FBXL17: variants seen among roughly 807,000 people sequenced by gnomAD.
FBXL17 encodes F-box/LRR-repeat protein 17.
Under a neutral mutation model 66.2 loss-of-function variants are expected in FBXL17, and 22 were observed. The ratio of observed to expected loss-of-function variants is 0.33; its 90% CI spans 0.24 to 0.47. The LOEUF (loss-of-function observed/expected upper bound fraction) is 0.47, where lower values mean the gene tolerates loss of function less well. Ranked by LOEUF, FBXL17 falls within the 20% of genes least tolerant of loss-of-function variation. FBXL17 has a pLI of 1.00. For synonymous variants in FBXL17, 474 were observed against 400.5 expected (o/e 1.18, Z -2.19); for missense variants, 878 against 948.2 (o/e 0.93, Z 0.97).
chr5:108,333,148 G>GTATATATATATATATATA (rs145030445), intron 4 of FBXL17, among the ~76,000 whole-genome samples: 49 of 136,560 alleles, frequency 3.6e-4, no homozygotes, highest in African/African-American at 1.4e-3. Context: ...AGAAATACCA[G>GTATATATATATATATATA]TATATATATA....
chr5:107,987,391 A>T (rs778015398), intron 7 of FBXL17, among the ~76,000 whole-genome samples: 2 of 152,010 alleles, frequency 1.3e-5, no homozygotes, highest in African/African-American at 4.8e-5. Flanking sequence ...CCTGGTGCTA[A>T]AGCCGATCTT....
chr5:107,894,676 A>C (rs1749313764), intron 7 of FBXL17, among the ~76,000 whole-genome samples: 2 of 151,760 alleles, frequency 1.3e-5, no homozygotes, highest in African/African-American at 2.4e-5. Context: ...TATAAATCTC[A>C]CTCTTATATA....
intron 3 of FBXL17, among the ~76,000 whole-genome samples, chr5:108,350,821 G>A (rs553932853): frequency 1.3e-5 from 2 of 152,268 alleles, no homozygotes; most frequent in South Asian, 2.1e-4. Flanking sequence ...CACTTTATCA[G>A]GAAGGTACTG....
chr5:108,361,651 T>C (rs1748344679), intron 3 of FBXL17, among the ~76,000 whole-genome samples: 1 of 152,120 alleles, frequency 6.6e-6, no homozygotes, highest in African/African-American at 2.4e-5. Flanking sequence ...CAATTGTATG[T>C]CTCACCATAA....
chr5:108,345,298 T>C (rs555271726), intron 4 of FBXL17, among the ~76,000 whole-genome samples: 3 of 151,408 alleles, frequency 2.0e-5, no homozygotes, highest in South Asian at 4.2e-4. Context: ...GATTGTGCCA[T>C]TGCACTCCAG....
chr5:108,368,241 A>AG, intron 1 of FBXL17, among the ~76,000 whole-genome samples: 1 of 152,106 alleles, frequency 6.6e-6, no homozygotes, highest in South Asian at 2.1e-4. Flanking sequence ...TAAAAAAAAA[A>AG]GAATTGAAAG....
intron 7 of FBXL17, among the ~76,000 whole-genome samples, chr5:107,938,052 A>T (rs768652719): frequency 1.3e-5 from 2 of 152,154 alleles, no homozygotes; most frequent in Non-Finnish European, 2.9e-5. Context: ...AACAGTAAAC[A>T]CTGAGAGAGG....
Position 108,381,236 on chromosome 5 carries a change from C to T in FBXL17, c.456G>A (p.Trp152Ter), listed in dbSNP as rs954419653. 1 of 1,446,208 alleles carries T rather than the reference C, an allele frequency of 6.9e-7. No individual in the cohort carries two copies. Among genetic ancestry groups the T allele is most frequent in the Non-Finnish European group, 9.1e-7 (1 of 1,101,954 alleles). The allele number at this position is 1,446,208 out of a possible 1,614,324, so 89.6% of individuals were successfully genotyped here. A position where few individuals can be genotyped will look rare whatever the true frequency, so the allele number is the denominator to read the frequency against. The change falls in exon 1 of 9, where the codon TGG becomes TGA. Residue 152 changes from tryptophan to a stop codon, truncating the protein, a stop_gained. Transcript: ENST00000542267. LOFTEE classifies it high-confidence loss of function. ...GGAAGAGACTTCGGCCCTGCTGCTC[C>T]CAGGCGGCGGCCGCAGCCAGCCCCA... ...KELGLAAAAAWEQQGRSLFLA... is the reference protein window; with the variant it reads ...KELGLAAAAA
chr5:108,155,675 G>A (rs1244874832), intron 6 of FBXL17, among the ~76,000 whole-genome samples: 1 of 152,130 alleles, frequency 6.6e-6, no homozygotes. Flanking sequence ...ACTTACAAGT[G>A]TGCCTTCCTA....
At chr5:108,125,227 GATT>G (rs2149969373) in intron 6 of FBXL17, among the ~76,000 whole-genome samples, 1 of 152,016 alleles carries the variant, frequency 6.6e-6, no homozygotes, top group East Asian at 1.9e-4. Flanking sequence ...ATCTTGATGT[GATT>G]ATTAAACATT....
intron 6 of FBXL17, among the ~76,000 whole-genome samples, chr5:108,069,634 C>T (rs191752766): frequency 1.5e-3 from 235 of 152,286 alleles, no homozygotes; most frequent in African/African-American, 5.3e-3. Context: ...AGGTAAACTT[C>T]CTGCTGATCC....
chr5:107,996,141 AT>A (rs945245240), intron 7 of FBXL17, among the ~76,000 whole-genome samples: 4 of 152,104 alleles, frequency 2.6e-5, no homozygotes, highest in Non-Finnish European at 2.9e-5. Flanking sequence ...GCCATGCCTG[AT>A]TTTTTTCCCT....
chr5:108,312,328 T>A (rs550570729), intron 4 of FBXL17, among the ~76,000 whole-genome samples: 2 of 152,158 alleles, frequency 1.3e-5, no homozygotes, highest in Non-Finnish European at 2.9e-5. Context: ...CTAATTTCCA[T>A]GTAGAAAGCA....
chr5:108,010,692 C>T (rs288186), intron 7 of FBXL17, among the ~76,000 whole-genome samples: 102,689 of 151,940 alleles, frequency 0.68, 34,995 homozygotes, highest in East Asian at 0.93. Flanking sequence ...CTTGACATAA[C>T]GAGTCCATGT....
At chr5:108,337,708 T>TA (rs70996991) in intron 4 of FBXL17, among the ~76,000 whole-genome samples, 105,823 of 142,258 alleles carry the variant, frequency 0.74, 38,897 homozygotes, top group East Asian at 0.92. Context: ...GTACAAAAAG[T>TA]AAAAAAAAAA....
chr5:107,966,757 T>C (rs914196360), intron 7 of FBXL17, among the ~76,000 whole-genome samples: 3 of 152,276 alleles, frequency 2.0e-5, no homozygotes, highest in African/African-American at 7.2e-5. Context: ...ACTTACCTTA[T>C]TGTACAACTA....
chr5:107,939,757 CCT>C (rs931480780), intron 7 of FBXL17, among the ~76,000 whole-genome samples: 1 of 152,056 alleles, frequency 6.6e-6, no homozygotes, highest in Non-Finnish European at 1.5e-5. Flanking sequence ...AAGACAGAAT[CCT>C]CTCTCTGTCT....
intron 5 of FBXL17, among the ~76,000 whole-genome samples, chr5:108,196,275 T>C (rs1187437987): frequency 1.3e-5 from 2 of 151,266 alleles, no homozygotes; most frequent in East Asian, 3.9e-4. Flanking sequence ...CCCCAGGCCA[T>C]GTGAGGCAGT....
At chr5:108,118,644 T>A (rs1013980236) in intron 6 of FBXL17, among the ~76,000 whole-genome samples, 1 of 152,236 alleles carries the variant, frequency 6.6e-6, no homozygotes, top group Non-Finnish European at 1.5e-5. Context: ...CAGGTGTTTT[T>A]AATTTTGTTT....
Sources: gnomAD v4.1 joint callset for allele counts (sites outside exome capture counted in the v4.1 genomes callset) on GRCh38, gnomAD v4.1.1 for gene constraint, MANE v1.5 for transcripts, NCBI Gene and HGNC (gene_info 2026-07-23, HGNC 2026-07-21) for gene names.